The following FAM135B variants were observed in gnomAD, a reference collection of about 807,000 sequenced individuals.
FAM135B encodes the protein family with sequence similarity 135 member B.
A neutral mutation model predicts 127.7 loss-of-function variants in FAM135B; 43 were observed. The observed-to-expected ratio is 0.34, with a 90% CI of 0.26 to 0.43. FAM135B has a LOEUF of 0.43. FAM135B is among the 20% of genes least tolerant of loss of function. The probability of loss-of-function intolerance (pLI) is 1.00; values close to 1 mark genes in which losing one functional copy is unlikely to be tolerated. For synonymous variants in FAM135B, 670 were observed against 665.1 expected (o/e 1.01, Z -0.11); for missense variants, 1,558 against 1,725.6 (o/e 0.90, Z 1.72).
At chr8:138,392,609 A>T (rs73717251) in intron 1 of FAM135B, among the ~76,000 whole-genome samples, 51,552 of 151,866 alleles carry the variant, frequency 0.34, 9,099 homozygotes, top group Non-Finnish European at 0.37. Flanking sequence ...AAAAAAGAAC[A>T]ATGCTTTAGA....
Position 138,216,533 on chromosome 8 carries a change from C to A in FAM135B, c.670-18864G>T, listed in dbSNP as rs117962895. On this transcript the variant is annotated intron_variant, in intron 7 of 19. Coordinates refer to ENST00000395297, the MANE Select transcript of FAM135B (RefSeq NM_015912.4). ...GTAAGGGGTGCTGGGTAATGCCTGT[C>A]TGAGCCAGGAACATTCATTCTGAAT... Among the ~76,000 whole-genome samples the A allele has an allele frequency of 3.0e-4, 46 of 152,240 alleles. No individual in the cohort carries two copies. In the East Asian group the frequency reaches 7.4e-3, roughly 24 times the overall value.
rs1816511731 is a variant in FAM135B, at chr8:138,195,206, C to T, written c.873+52G>A. 1.0e-5 allele frequency: 16 copies of T among 1,579,508 alleles called. 1 individual carries two copies. In the East Asian group the frequency reaches 3.6e-4, roughly 35 times the overall value. Reference sequence around the variant, plus strand: ...ACAGCAAGCAAGCAACTGCATTTGCCTTGCAAAACTACTGCCATTCATTCA... The same window carrying T: ...ACAGCAAGCAAGCAACTGCATTTGCTTTGCAAAACTACTGCCATTCATTCA... On this transcript the variant is annotated intron_variant, in intron 9 of 19. Coordinates refer to ENST00000395297, the MANE Select transcript of FAM135B (RefSeq NM_015912.4).
chr8:138,136,848 C>A (rs1816706242), intron 19 of FAM135B, among the ~76,000 whole-genome samples: 1 of 152,212 alleles, frequency 6.6e-6, no homozygotes. Flanking sequence ...GACAATGTGC[C>A]CCTTGAGGGC....
intron 1 of FAM135B, among the ~76,000 whole-genome samples, chr8:138,429,764 G>A (rs773235917): frequency 1.3e-5 from 2 of 152,100 alleles, no homozygotes; most frequent in Non-Finnish European, 1.5e-5. Context: ...GAGATCAAAG[G>A]CACTATCCTG....
At chr8:138,476,355 T>C (rs780434216) in intron 1 of FAM135B, among the ~76,000 whole-genome samples, 16 of 152,034 alleles carry the variant, frequency 1.1e-4, no homozygotes, top group Non-Finnish European at 2.2e-4. Context: ...ATGTAAACCA[T>C]GGATTTGGGG....
chr8:138,296,929 T>A (rs1422811991), intron 3 of FAM135B, among the ~76,000 whole-genome samples: 1 of 152,128 alleles, frequency 6.6e-6, no homozygotes, highest in African/African-American at 2.4e-5. Flanking sequence ...TAAAGCCGAA[T>A]GAGAGGTATG....
In FAM135B at chr8:138,151,428, G is replaced by C. The variant is rs2130729219; in HGVS notation, c.3047C>G (p.Ser1016Cys). ...GTSIMGSHLTSAETFTLDSLK... is the reference protein window; with the variant it reads ...GTSIMGSHLTCAETFTLDSLK... ...GCTGTCCAGAGTAAAGGTCTCTGCAGAAGTCAGATGGGACCCCATGATGGA... is the reference window on the plus strand; with the variant it reads ...GCTGTCCAGAGTAAAGGTCTCTGCACAAGTCAGATGGGACCCCATGATGGA... The change falls in exon 13 of 20, where the codon TCT (serine) becomes TGT (cysteine). Residue 1016 changes from serine (S) to cysteine (C), a missense_variant. Physicochemically the swap from Ser to Cys is moderately radical, Grantham distance 112 (BLOSUM62 -1). Coordinates refer to ENST00000395297, the MANE Select transcript of FAM135B (RefSeq NM_015912.4). 6.2e-7 allele frequency: 1 copy of C among 1,614,174 alleles called. No individual in the cohort carries two copies. Among genetic ancestry groups the C allele is most frequent in the Non-Finnish European group, 8.5e-7 (1 of 1,180,028 alleles).
chr8:138,450,148 A>T (rs934713392), intron 1 of FAM135B, among the ~76,000 whole-genome samples: 26 of 152,324 alleles, frequency 1.7e-4, no homozygotes, highest in African/African-American at 6.0e-4. Flanking sequence ...TATGCATTTA[A>T]GTTTCCTCCA....
rs1196197829 is a variant in FAM135B at position 138,153,077 on chromosome 8, T to A, written c.1398A>T (p.Lys466Asn). The A allele has an allele frequency of 6.2e-7, 1 of 1,614,148 alleles. No homozygotes were observed. Among genetic ancestry groups the A allele is most frequent in the Admixed American group, 1.7e-5 (1 of 60,024 alleles). The change falls in exon 13 of 20, where the codon AAA becomes AAT. Residue 466 changes from lysine to asparagine, a missense_variant. Around this residue, in one of 5 missense-constraint regions of FAM135B, gnomAD observed 923 missense variants for 865.3 expected, o/e 1.07. Coordinates refer to ENST00000395297, the MANE Select transcript of FAM135B (RefSeq NM_015912.4). ...CTTCATCAGAATCCATTTGGGATGG[T>A]TTTATGGTAGACAAGACAAGGTCTT... ...FREDLVLSTI[K>N]PSQMDSDEEV...
rs7464938 is a variant in FAM135B at position 138,148,340 on chromosome 8, A to T, written c.3448+180T>A. ...ATTTACTTAACAGGTTTTTTGTGACAGAGAGATATTTTCTTCAACAGCAAG... is the reference window on the plus strand; with the variant it reads ...ATTTACTTAACAGGTTTTTTGTGACTGAGAGATATTTTCTTCAACAGCAAG... On this transcript the variant is annotated intron_variant, in intron 14 of 19. Transcript: ENST00000395297. Among the ~76,000 whole-genome samples, 5 of 152,094 alleles carry T rather than the reference A, an allele frequency of 3.3e-5. No homozygotes were observed. In the South Asian group the frequency reaches 6.2e-4, roughly 19 times the overall value.
In FAM135B at chr8:138,177,346, C is replaced by T. The variant is rs2130964644; in HGVS notation, c.1103+1G>A. The stretch of plus-strand genomic sequence containing the variant: ...GAAGTGGGCATGCAATGGATACTTA[C>T]AGATTCTCCTGAAATGTCAGGACTG... On this transcript the variant is annotated splice_donor_variant, in intron 11 of 19. Coordinates refer to ENST00000395297, the MANE Select transcript of FAM135B (RefSeq NM_015912.4). LOFTEE classifies it high-confidence loss of function. 6.2e-7 allele frequency: 1 copy of T among 1,613,462 alleles called. No individual in the cohort carries two copies. Among genetic ancestry groups the T allele is most frequent in the Non-Finnish European group, 8.5e-7 (1 of 1,179,636 alleles).
intron 3 of FAM135B, among the ~76,000 whole-genome samples, chr8:138,273,840 G>C (rs1823588359): frequency 6.6e-6 from 1 of 151,994 alleles, no homozygotes; most frequent in African/African-American, 2.4e-5. Flanking sequence ...CCTAGGTCAT[G>C]GTCCCAATTA....
At chr8:138,379,261 T>C (rs1831682892) in intron 1 of FAM135B, among the ~76,000 whole-genome samples, 1 of 152,160 alleles carries the variant, frequency 6.6e-6, no homozygotes, top group Non-Finnish European at 1.5e-5. Context: ...TTCTGACCAT[T>C]TTACGGGTTA....
chr8:138,362,651 G>A (rs186504793), intron 2 of FAM135B, among the ~76,000 whole-genome samples: 25 of 152,224 alleles, frequency 1.6e-4, no homozygotes, highest in Admixed American at 5.9e-4. Context: ...TCTTGGGGAC[G>A]TTTCGAGGAT....
chr8:138,394,554 C>T (rs927851325), intron 1 of FAM135B, among the ~76,000 whole-genome samples: 2 of 152,150 alleles, frequency 1.3e-5, no homozygotes, highest in South Asian at 2.1e-4. Flanking sequence ...TGTGCAAACT[C>T]GAAGAGCGCT....
chr8:138,242,115 G>C lies in FAM135B; in HGVS notation c.669+827C>G, dbSNP rs960387367. On this transcript the variant is annotated intron_variant, in intron 7 of 19. Coordinates refer to ENST00000395297, the MANE Select transcript of FAM135B (RefSeq NM_015912.4). The surrounding 1 kb of genome is among the most constrained non-coding windows in gnomAD (Gnocchi z 9.6). Reference sequence around the variant, plus strand: ...CAGCTTGCTGACTGAAGATTTGGGGGCTTCTCAGCCTTCAAAATCATGTGA... The same window carrying C: ...CAGCTTGCTGACTGAAGATTTGGGGCCTTCTCAGCCTTCAAAATCATGTGA... Among the ~76,000 whole-genome samples, 1 of 151,316 alleles carries C rather than the reference G, an allele frequency of 6.6e-6. No individual in the cohort carries two copies. The highest frequency in any genetic ancestry group is 6.6e-5 in the Admixed American group (1 of 15,162).
chr8:138,295,197 A>G (rs937426392), intron 3 of FAM135B, among the ~76,000 whole-genome samples: 10 of 142,504 alleles, frequency 7.0e-5, no homozygotes, highest in African/African-American at 2.4e-4. Context: ...CTAGCTCATA[A>G]AGACTCCTAC....
intron 11 of FAM135B, among the ~76,000 whole-genome samples, chr8:138,174,870 T>G (rs1814294737): frequency 6.6e-6 from 1 of 152,202 alleles, no homozygotes; most frequent in Non-Finnish European, 1.5e-5. Flanking sequence ...ATCATATCTA[T>G]GTACTTGTAG....
intron 2 of FAM135B, among the ~76,000 whole-genome samples, chr8:138,362,244 C>T (rs1033734455): frequency 6.6e-6 from 1 of 150,906 alleles, no homozygotes; most frequent in Non-Finnish European, 1.5e-5. Context: ...TACCCATTAA[C>T]CAGCCCCACC....
Sources: gnomAD v4.1 joint callset for allele counts (sites outside exome capture counted in the v4.1 genomes callset) on GRCh38, gnomAD v4.1.1 for gene constraint, gnomAD v4.1.1 regional missense constraint, Gnocchi (gnomAD v3.1) non-coding constraint, MANE v1.5 for transcripts, NCBI Gene and HGNC (gene_info 2026-07-23, HGNC 2026-07-21) for gene names.